DNAH17: variants seen among roughly 807,000 people sequenced by gnomAD.
The protein encoded by DNAH17 is dynein axonemal heavy chain 17, also known as axonemal beta dynein heavy chain 17.
DNAH17 carries 376 observed loss-of-function variants against 485.6 expected under a neutral mutation model. That is an observed-to-expected ratio of 0.77 (90% CI 0.71 to 0.84). DNAH17 has a LOEUF of 0.84. Among genes scored for constraint, DNAH17 ranks in the 40% least tolerant of loss-of-function variants. The pLI is 0.00. For missense variants in DNAH17, 6,370 were observed against 5,839.3 expected (o/e 1.09, Z -2.96); for synonymous variants, 3,031 against 2,405.9 (o/e 1.26, Z -7.60).
chr17:78,494,100 T>G lies in DNAH17; in HGVS notation c.6344A>C (p.Glu2115Ala), dbSNP rs1368791996. Residue 2115 changes from glutamate (E) to alanine (A), a missense_variant, in exon 41 of 81, where the codon GAG becomes GCG. Glu to Ala is a moderately radical substitution (Grantham distance 107). Transcript: ENST00000389840. ...GGAGTGGCGGACCTGCAGCAGCTCC[T>G]CCAGCTGCACCACCTTCAGCACGAA... The part of the protein sequence containing the change: ...DSFVLKVVQL[E>A]ELLQVRHSVF... 1 of 1,612,764 alleles carries G rather than the reference T, an allele frequency of 6.2e-7. No homozygotes were observed. The highest frequency in any genetic ancestry group is 8.5e-7 in the Non-Finnish European group (1 of 1,179,826).
Position 78,425,468 on chromosome 17 carries a change from G to C in DNAH17, c.13019C>G (p.Ala4340Gly), listed in dbSNP as rs754505325. The C allele has an allele frequency of 5.0e-6, 8 of 1,613,936 alleles. No individual in the cohort carries two copies. In the East Asian group the frequency reaches 1.6e-4, roughly 31 times the overall value. ...GTCCAGGGGCCACTCGTTCTTCCTG[G>C]CCATGGACTGCATGATGGCCGTGAG... ...SFLTAIMQSM[A>G]RKNEWPLDKM... is the part of the protein sequence containing the mutation. The change falls in exon 80 of 81, where the codon GCC becomes GGC. Residue 4340 changes from alanine (A) to glycine (G), a missense_variant. Transcript: ENST00000389840.
At chr17:78,544,464 G>A (rs964751228) in intron 16 of DNAH17, among the ~76,000 whole-genome samples, 17 of 152,156 alleles carry the variant, frequency 1.1e-4, no homozygotes, top group Admixed American at 7.2e-4. Context: ...AGAGAGTAGG[G>A]TCAGGACCCT....
intron 47 of DNAH17, 26 bp downstream of exon 47, chr17:78,485,524 G>T (rs1436940930): frequency 6.5e-7 from 1 of 1,545,746 alleles, no homozygotes; most frequent in Non-Finnish European, 8.7e-7. Context: ...AGCCGGGTAG[G>T]CAGGGCGTGG....
At chr17:78,501,625 A>C in intron 34 of DNAH17, 117 bp downstream of exon 34, 1 of 1,424,982 alleles carries the variant, frequency 7.0e-7, no homozygotes. Context: ...TGCAGCCAGC[A>C]ACAGAGTCAG....
intron 27 of DNAH17, among the ~76,000 whole-genome samples, chr17:78,509,516 GTTT>G: frequency 6.6e-6 from 1 of 152,136 alleles, no homozygotes; most frequent in South Asian, 2.1e-4. Flanking sequence ...ATCTAATAAA[GTTT>G]TTTTGTTGTT....
chr17:78,453,767 AACCTTG>A (rs1312770393), intron 64 of DNAH17, among the ~76,000 whole-genome samples: 1 of 152,234 alleles, frequency 6.6e-6, no homozygotes, highest in African/African-American at 2.4e-5. Context: ...GGTTCACTGC[AACCTTG>A]ACCTCCCAGG....
chr17:78,458,179 C>T (rs2087902815), intron 62 of DNAH17, among the ~76,000 whole-genome samples: 1 of 152,182 alleles, frequency 6.6e-6, no homozygotes, highest in African/African-American at 2.4e-5. Flanking sequence ...GGCATTATAT[C>T]CCTAGTGGAC....
At chr17:78,429,354 C>A (rs530510122) in intron 75 of DNAH17, 54 bp from the exon 76 acceptor site, 2 of 1,568,914 alleles carry the variant, frequency 1.3e-6, no homozygotes, top group East Asian at 4.5e-5. Context: ...CCTTCTCTGC[C>A]ATGAGAGGGT....
At chr17:78,562,595 C>A (rs2143661656) in intron 11 of DNAH17, among the ~76,000 whole-genome samples, 1 of 152,262 alleles carries the variant, frequency 6.6e-6, no homozygotes, top group East Asian at 1.9e-4. Context: ...GCACCCCAGC[C>A]TGGGCAACAG....
At chr17:78,555,355 G>A (rs750268020) in intron 14 of DNAH17, among the ~76,000 whole-genome samples, 12 of 152,020 alleles carry the variant, frequency 7.9e-5, no homozygotes, top group South Asian at 4.2e-4. Flanking sequence ...GTGTGCTCGT[G>A]ACTAAATCAT....
chr17:78,484,759 C>A, intron 48 of DNAH17, 109 bp downstream of exon 48: 3 of 675,572 alleles, frequency 4.4e-6, no homozygotes, highest in Non-Finnish European at 6.1e-6. Flanking sequence ...CCGCCCCACA[C>A]CAGTCCTGCC....
chr17:78,490,857 G>C lies in DNAH17; in HGVS notation c.6670-10C>G. ...TGGCCAGGGTGAGGACCTAGGAGGG[G>C]GACAGCAGCCCGTGGGGTCCTAAGG... is the stretch of plus-strand genomic sequence containing the variant. On this transcript the variant is annotated splice_polypyrimidine_tract_variant and intron_variant, in intron 43 of 80. Transcript: ENST00000389840. 1.9e-6 allele frequency: 3 copies of C among 1,588,416 alleles called. No homozygotes were observed. Among genetic ancestry groups the C allele is most frequent in the African/African-American group, 2.7e-5 (2 of 74,536 alleles).
chr17:78,494,571 C>A (rs528867967), intron 40 of DNAH17, 22 bp downstream of exon 40: 8 of 1,611,920 alleles, frequency 5.0e-6, no homozygotes, highest in Non-Finnish European at 6.8e-6. Flanking sequence ...TCCGGACAGA[C>A]CTGAGACCCA....
intron 80 of DNAH17, 154 bp from the exon 81 acceptor site, chr17:78,424,307 C>T (rs112415080): frequency 2.2e-6 from 2 of 928,438 alleles, no homozygotes; most frequent in Non-Finnish European, 3.1e-6. Context: ...GAAGCAGAGG[C>T]CTTCGTAGGT....
At chr17:78,462,503 T>C (rs1162395925) in intron 57 of DNAH17, among the ~76,000 whole-genome samples, 1 of 152,156 alleles carries the variant, frequency 6.6e-6, no homozygotes, top group Non-Finnish European at 1.5e-5. Context: ...CCAGGCCCCA[T>C]GGTATGAATG....
chr17:78,543,845 G>A lies in DNAH17; in HGVS notation c.2532+12C>T, dbSNP rs2091674340. On this transcript the variant is annotated intron_variant, in intron 17 of 80. Coordinates refer to ENST00000389840, the MANE Select transcript of DNAH17 (RefSeq NM_173628.4). ...AGTGGGTTCTCAAAAAACCTCCTGG[G>A]TGTTTCCTTACTGCAACCATGGCTT... 3 of 1,613,984 alleles carry A rather than the reference G, an allele frequency of 1.9e-6. No individual in the cohort carries two copies. Among genetic ancestry groups the A allele is most frequent in the Non-Finnish European group, 2.5e-6 (3 of 1,179,892 alleles).
intron 25 of DNAH17, among the ~76,000 whole-genome samples, chr17:78,523,531 T>C (rs78867741): frequency 0.061 from 9,249 of 151,922 alleles, 385 homozygotes; most frequent in South Asian, 0.13. Context: ...TTAAAAAAAG[T>C]CAATTGGAAA....
At position 78,536,165 on chromosome 17, in the gene DNAH17, C is replaced by T. The variant is rs570916664; in HGVS notation, c.2859+1134G>A. On this transcript the variant is annotated intron_variant, in intron 19 of 80. Transcript: ENST00000389840. ...TTTACATTACAGGACTGAGGCCGGG[C>T]ACGGTGGCTCACACCTGTAATCCCA... 5.3e-5 allele frequency among the ~76,000 whole-genome samples: 8 copies of T among 152,216 alleles called. No homozygotes were observed. In the South Asian group the frequency reaches 1.5e-3, roughly 28 times the overall value.
At chr17:78,534,965 C>A (rs931284763) in intron 19 of DNAH17, among the ~76,000 whole-genome samples, 4 of 152,200 alleles carry the variant, frequency 2.6e-5, no homozygotes, top group Admixed American at 1.3e-4. Context: ...TGGGACCCAG[C>A]AGTCTAGATG....
Sources: gnomAD v4.1 joint callset for allele counts (sites outside exome capture counted in the v4.1 genomes callset) on GRCh38, gnomAD v4.1.1 for gene constraint, MANE v1.5 for transcripts, NCBI Gene and HGNC (gene_info 2026-07-23, HGNC 2026-07-21) for gene names.